ACSS3: variants seen among roughly 807,000 people sequenced by gnomAD.
ACSS3 encodes the protein acyl-CoA synthetase short-chain family member 3, mitochondrial.
Under a neutral mutation model 84.2 loss-of-function variants are expected in ACSS3, and 64 were observed. The ratio of observed to expected loss-of-function variants is 0.76; its 90% confidence interval spans 0.62 to 0.94. The LOEUF (loss-of-function observed/expected upper bound fraction) is 0.94. Among genes scored for constraint, ACSS3 ranks in the 40% least tolerant of loss-of-function variants. The pLI, the probability that ACSS3 is intolerant of heterozygous loss-of-function variation, is 0.00. For missense variants in ACSS3, 815 were observed against 867.6 expected (o/e 0.94, Z 0.76); for synonymous variants, 317 against 310.1 (o/e 1.02, Z -0.23).
At position 81,260,766 on chromosome 12, in the gene ACSS3, C is replaced by T. The variant is rs184281454; in HGVS notation, c.*5844C>T. The T allele has an allele frequency of 3.4e-4, 52 of 152,232 alleles. No homozygotes were observed. The East Asian group carries it at 9.4e-3, about 28-fold the overall frequency. The allele number at this position is 152,232 out of a possible 1,614,324, so 9.4% of individuals were successfully genotyped here. A position where few individuals can be genotyped will look rare whatever the true frequency, so the allele number is the denominator to read the frequency against. ...GAAAACAGCACAAGGTGAGTTGTTCCTCTGTCTATAACTGTTTTCTCTTAA... is the reference window on the plus strand; with the variant it reads ...GAAAACAGCACAAGGTGAGTTGTTCTTCTGTCTATAACTGTTTTCTCTTAA... On this transcript the variant is annotated 3_prime_UTR_variant, in exon 16 of 16. Coordinates refer to ENST00000548058, the MANE Select transcript of ACSS3 (RefSeq NM_024560.4).
chr12:81,143,867 A>G (rs1593122680), intron 5 of ACSS3, among the ~76,000 whole-genome samples: 1 of 152,334 alleles, frequency 6.6e-6, no homozygotes, highest in South Asian at 2.1e-4. Flanking sequence ...ATCAATATTC[A>G]TTGATGCGTC....
At chr12:81,136,755 T>G (rs76268222) in intron 3 of ACSS3, among the ~76,000 whole-genome samples, 2,861 of 152,294 alleles carry the variant, frequency 0.019, 55 homozygotes, top group African/African-American at 0.044. Flanking sequence ...TAAAAGTTTT[T>G]GAACAGGCAA....
At chr12:81,214,237 G>A (rs1301590602) in intron 9 of ACSS3, among the ~76,000 whole-genome samples, 1 of 151,804 alleles carries the variant, frequency 6.6e-6, no homozygotes, top group Non-Finnish European at 1.5e-5. Context: ...TGTTGGCCAG[G>A]TTGGTCCCAA....
intron 2 of ACSS3, among the ~76,000 whole-genome samples, chr12:81,110,596 G>T (rs1177057457): frequency 2.0e-5 from 3 of 152,190 alleles, no homozygotes; most frequent in Non-Finnish European, 4.4e-5. Context: ...CTCAACTTTG[G>T]CACTGTTGAT....
rs573351853 is a variant in ACSS3 at position 81,234,984 on chromosome 12, A to C, written c.1719+1513A>C. On this transcript the variant is annotated intron_variant, in intron 13 of 15. Coordinates refer to ENST00000548058, the MANE Select transcript of ACSS3 (RefSeq NM_024560.4). ...TATAAAAATGCTTTCCTAACTCAGCATCACAAAGATTTTCTCTTTTGTTTT... is the reference window on the plus strand; with the variant it reads ...TATAAAAATGCTTTCCTAACTCAGCCTCACAAAGATTTTCTCTTTTGTTTT... Among the ~76,000 whole-genome samples, 212 of 151,526 alleles carry C rather than the reference A, an allele frequency of 1.4e-3. 1 individual carries two copies. The highest frequency in any genetic ancestry group is 5.0e-3 in the African/African-American group (206 of 41,504).
intron 11 of ACSS3, among the ~76,000 whole-genome samples, chr12:81,224,974 C>G (rs1279448274): frequency 7.2e-5 from 11 of 151,784 alleles, no homozygotes. Flanking sequence ...TCTAAGTGTT[C>G]TATTTTGTTA....
chr12:81,203,648 T>C (rs2032210524), intron 9 of ACSS3, among the ~76,000 whole-genome samples: 3 of 151,852 alleles, frequency 2.0e-5, no homozygotes, highest in African/African-American at 7.2e-5. Context: ...TAAAGAATTG[T>C]TGTTGTTCAC....
At chr12:81,247,379 T>G (rs957670371) in intron 13 of ACSS3, among the ~76,000 whole-genome samples, 2 of 152,134 alleles carry the variant, frequency 1.3e-5, no homozygotes, top group Non-Finnish European at 2.9e-5. Flanking sequence ...TTCAAAGATA[T>G]GTTGTGTTTT....
At chr12:81,107,511 C>CACATATATAT (rs1403415163) in intron 1 of ACSS3, among the ~76,000 whole-genome samples, 2 of 38,828 alleles carry the variant, frequency 5.2e-5, no homozygotes, top group East Asian at 1.1e-3. Context: ...CAAATATATA[C>CACATATATAT]ATATATATAT....
intron 1 of ACSS3, among the ~76,000 whole-genome samples, chr12:81,099,357 A>G (rs1296513157): frequency 6.6e-6 from 1 of 152,200 alleles, no homozygotes; most frequent in African/African-American, 2.4e-5. Flanking sequence ...AACAGAAAGT[A>G]AATATAAACC....
chr12:81,242,428 T>C (rs527893074), intron 13 of ACSS3, among the ~76,000 whole-genome samples: 1 of 150,766 alleles, frequency 6.6e-6, no homozygotes, highest in East Asian at 2.0e-4. Flanking sequence ...CTACCAGAGG[T>C]ACAAGGAGGA....
intron 7 of ACSS3, among the ~76,000 whole-genome samples, chr12:81,154,253 G>A (rs899058449): frequency 3.9e-5 from 6 of 152,250 alleles, no homozygotes; most frequent in Middle Eastern, 3.4e-3. Flanking sequence ...TTGGTTATAA[G>A]CATTAAGCTG....
At chr12:81,159,972 A>G (rs1352429815) in intron 7 of ACSS3, among the ~76,000 whole-genome samples, 1 of 152,212 alleles carries the variant, frequency 6.6e-6, no homozygotes, top group Non-Finnish European at 1.5e-5. Flanking sequence ...CCAATGTGCA[A>G]AAGTGTGTGT....
intron 8 of ACSS3, among the ~76,000 whole-genome samples, chr12:81,180,656 C>T (rs2030859953): frequency 6.6e-6 from 1 of 152,134 alleles, no homozygotes; most frequent in Non-Finnish European, 1.5e-5. Context: ...GCTGGAATTA[C>T]AGGTGCCTGC....
At chr12:81,238,122 T>C (rs545091762) in intron 13 of ACSS3, among the ~76,000 whole-genome samples, 4 of 151,850 alleles carry the variant, frequency 2.6e-5, no homozygotes, top group Admixed American at 1.3e-4. Context: ...GATATGATCA[T>C]GTAATTTTTC....
chr12:81,239,909 G>A (rs1302039523), intron 13 of ACSS3, among the ~76,000 whole-genome samples: 9 of 151,986 alleles, frequency 5.9e-5, no homozygotes, highest in Non-Finnish European at 1.3e-4. Context: ...ATATGCTTAT[G>A]TATAAGCAAA....
At position 81,255,143 on chromosome 12, in the gene ACSS3, G is replaced by T; in HGVS notation, c.*221G>T. The T allele has an allele frequency of 7.6e-6, 3 of 396,312 alleles. No homozygotes were observed. Among genetic ancestry groups the T allele is most frequent in the Non-Finnish European group, 8.9e-6 (2 of 223,746 alleles). 24.5% of individuals were successfully genotyped at this position (396,312 alleles called of 1,614,324 possible). A position where few individuals can be genotyped will look rare whatever the true frequency, so the allele number is the denominator to read the frequency against. On this transcript the variant is annotated 3_prime_UTR_variant, in exon 16 of 16. Coordinates refer to ENST00000548058, the MANE Select transcript of ACSS3 (RefSeq NM_024560.4). ...CATTGTTATTAGTTATCTATAACAT[G>T]GCTTATTGAATGTCATCTACTGCTT...
rs573417413 is a variant in ACSS3, at chr12:81,241,475, C to A, written c.1719+8004C>A. The stretch of plus-strand genomic sequence containing the variant: ...CAACAGTGTAAAAGTGTTCCTATTT[C>A]TCCACATCCTCTCCAGTACCTGTTG... On this transcript the variant is annotated intron_variant, in intron 13 of 15. Coordinates refer to ENST00000548058, the MANE Select transcript of ACSS3 (RefSeq NM_024560.4). 1.6e-4 allele frequency among the ~76,000 whole-genome samples: 24 copies of A among 152,268 alleles called. No homozygotes were observed. The South Asian group carries it at 4.6e-3, about 29-fold the overall frequency.
At chr12:81,144,040 C>T (rs2135734513) in intron 5 of ACSS3, among the ~76,000 whole-genome samples, 1 of 152,238 alleles carries the variant, frequency 6.6e-6, no homozygotes, top group Admixed American at 6.5e-5. Context: ...CTTTCATAAT[C>T]ATTCTCTTCC....
Sources: allele counts gnomAD v4.1 joint callset (sites outside exome capture counted in the v4.1 genomes callset), GRCh38; gene constraint gnomAD v4.1.1; transcripts MANE v1.5; gene names NCBI Gene and HGNC (gene_info 2026-07-23, HGNC 2026-07-21).